RBFOX1: variants seen among roughly 807,000 people sequenced by gnomAD.
RBFOX1 encodes RNA binding protein fox-1 homolog 1.
A neutral mutation model predicts 57.7 loss-of-function variants in RBFOX1; 8 were observed. The observed-to-expected ratio is 0.14, with a 90% confidence interval of 0.08 to 0.25. The LOEUF (loss-of-function observed/expected upper bound fraction) is 0.25. Among genes scored for constraint, RBFOX1 ranks in the 10% least tolerant of loss-of-function variants. The probability of loss-of-function intolerance (pLI) is 1.00; values close to 1 mark genes in which losing one functional copy is unlikely to be tolerated. For synonymous variants in RBFOX1, 326 were observed against 222.4 expected, an observed-to-expected ratio of 1.47 and a Z score of -4.15; for missense variants, 611 against 548.5, an observed-to-expected ratio of 1.11 and a Z score of -1.14.
intron 3 of RBFOX1, among the ~76,000 whole-genome samples, chr16:6,968,051 G>A (rs553496685): frequency 6.6e-6 from 1 of 152,282 alleles, no homozygotes; most frequent in African/African-American, 2.4e-5. Context: ...AGTGCTGGGA[G>A]GTGCTTGGGT....
At chr16:6,848,504 G>A (rs577641976) in intron 3 of RBFOX1, among the ~76,000 whole-genome samples, 8 of 151,994 alleles carry the variant, frequency 5.3e-5, no homozygotes, top group Admixed American at 3.9e-4. Context: ...TGCTATTTTC[G>A]ACATTATTGG....
At chr16:6,767,941 TAATAATAAGAAGAAGAAGAAG>T (rs1480818849) in intron 3 of RBFOX1, among the ~76,000 whole-genome samples, 11 of 85,152 alleles carry the variant, frequency 1.3e-4, no homozygotes, top group African/African-American at 4.9e-4. Context: ...ATAATAATAA[TAATAATAAGAAGAAGAAGAAG>T]AAGAAGAAGA....
At chr16:5,507,583 C>T (rs2043421547) in intron 2 of RBFOX1, among the ~76,000 whole-genome samples, 1 of 152,138 alleles carries the variant, frequency 6.6e-6, no homozygotes, top group Non-Finnish European at 1.5e-5. Context: ...ATGTTGAAGT[C>T]CTAACCCTTC....
chr16:6,907,940 C>A (rs1939869358), intron 3 of RBFOX1, among the ~76,000 whole-genome samples: 1 of 151,652 alleles, frequency 6.6e-6, no homozygotes, highest in Non-Finnish European at 1.5e-5. Flanking sequence ...GAATCTCCAC[C>A]TGCATGTTTA....
At chr16:7,604,977 A>G (rs1204048271) in intron 9 of RBFOX1, among the ~76,000 whole-genome samples, 1 of 152,198 alleles carries the variant, frequency 6.6e-6, no homozygotes, top group Non-Finnish European at 1.5e-5. Flanking sequence ...AAGAGTGATC[A>G]CTTAATAATT....
chr16:6,716,879 A>G (rs137872694), intron 3 of RBFOX1, among the ~76,000 whole-genome samples: 1 of 152,292 alleles, frequency 6.6e-6, no homozygotes, highest in East Asian at 1.9e-4. Context: ...TCCAAAATCC[A>G]TACATGGAAA....
intron 3 of RBFOX1, among the ~76,000 whole-genome samples, chr16:6,788,728 G>C (rs895909931): frequency 4.0e-5 from 6 of 148,784 alleles, no homozygotes; most frequent in Middle Eastern, 3.4e-3. Context: ...GCCCGCCTCG[G>C]CCTCCCAGAG....
chr16:7,668,539 C>A (rs1193791501), intron 13 of RBFOX1, among the ~76,000 whole-genome samples: 2 of 152,046 alleles, frequency 1.3e-5, no homozygotes, highest in Non-Finnish European at 2.9e-5. Flanking sequence ...TGCCTCTAGC[C>A]ACAGTGGAGA....
intron 1 of RBFOX1, among the ~76,000 whole-genome samples, chr16:5,357,862 G>C (rs1455955827): frequency 6.6e-6 from 1 of 152,170 alleles, no homozygotes; most frequent in Non-Finnish European, 1.5e-5. Context: ...AATGCTGTTT[G>C]AAATCCTCCA....
chr16:7,265,338 A>G (rs919783034), intron 4 of RBFOX1, among the ~76,000 whole-genome samples: 1 of 152,080 alleles, frequency 6.6e-6, no homozygotes, highest in Non-Finnish European at 1.5e-5. Flanking sequence ...CTTGGCAGAG[A>G]GAAAGAGAGA....
intron 2 of RBFOX1, among the ~76,000 whole-genome samples, chr16:6,543,348 A>G (rs1599367862): frequency 6.6e-6 from 1 of 151,992 alleles, no homozygotes; most frequent in African/African-American, 2.4e-5. Flanking sequence ...GGAAGGGCAG[A>G]TTTCCACTGA....
chr16:6,387,273 T>G (rs1003146200), intron 2 of RBFOX1, among the ~76,000 whole-genome samples: 10 of 152,128 alleles, frequency 6.6e-5, no homozygotes, highest in Admixed American at 4.6e-4. Flanking sequence ...TCATTTTCAA[T>G]GGAGAAAAAA....
chr16:5,760,846 G>C (rs1597139257), intron 3 of RBFOX1, among the ~76,000 whole-genome samples: 1 of 152,224 alleles, frequency 6.6e-6, no homozygotes, highest in Non-Finnish European at 1.5e-5. Context: ...GCAGAAAGGA[G>C]AGAGGAGTAG....
chr16:7,058,493 G>C (rs2053188314), intron 4 of RBFOX1, among the ~76,000 whole-genome samples: 1 of 152,102 alleles, frequency 6.6e-6, no homozygotes, highest in African/African-American at 2.4e-5. Flanking sequence ...TTGTAGCCTT[G>C]TACATGTTAC....
At chr16:7,559,105 C>T (rs1407619700) in intron 5 of RBFOX1, among the ~76,000 whole-genome samples, 5 of 152,142 alleles carry the variant, frequency 3.3e-5, no homozygotes, top group Non-Finnish European at 5.9e-5. Flanking sequence ...AGAGGCCTTT[C>T]CTGAAAGGTT....
chr16:6,670,005 C>G (rs1468713549), intron 3 of RBFOX1, among the ~76,000 whole-genome samples: 2 of 152,180 alleles, frequency 1.3e-5, no homozygotes, highest in Non-Finnish European at 2.9e-5. Context: ...CTATCTCTGT[C>G]TGTCTATCTA....
intron 1 of RBFOX1, among the ~76,000 whole-genome samples, chr16:6,221,056 A>G (rs2097370070): frequency 6.6e-6 from 1 of 152,106 alleles, no homozygotes; most frequent in Admixed American, 6.6e-5. Context: ...ATTCTAAATA[A>G]TGCCCCAACG....
intron 4 of RBFOX1, among the ~76,000 whole-genome samples, chr16:7,411,685 C>T (rs2098426668): frequency 6.6e-6 from 1 of 152,046 alleles, no homozygotes; most frequent in South Asian, 2.1e-4. Flanking sequence ...GGGTGGATCA[C>T]CTGAGGTTGG....
At chr16:7,113,506 C>G (rs542909593) in intron 4 of RBFOX1, among the ~76,000 whole-genome samples, 231 of 152,248 alleles carry the variant, frequency 1.5e-3, no homozygotes, top group Non-Finnish European at 2.6e-3. Context: ...GATTCCATTG[C>G]TGATATTTGA....
Sources: allele counts gnomAD v4.1 joint callset (sites outside exome capture counted in the v4.1 genomes callset), GRCh38; gene constraint gnomAD v4.1.1; transcripts MANE v1.5; gene names NCBI Gene and HGNC (gene_info 2026-07-23, HGNC 2026-07-21).